Variants in PPP1R1C observed in about 807,000 individuals in gnomAD.
PPP1R1C encodes the protein protein phosphatase 1 regulatory inhibitor subunit 1C.
Under a neutral mutation model 17.4 loss-of-function variants are expected in PPP1R1C, and 15 were observed. The ratio of observed to expected loss-of-function variants is 0.86; its 90% CI spans 0.58 to 1.33. The LOEUF is 1.33. Among genes scored for constraint, PPP1R1C ranks in the 40% most tolerant of loss-of-function variants. The pLI, the probability that PPP1R1C is intolerant of heterozygous loss-of-function variation, is 0.00. For missense variants in PPP1R1C, 143 were observed against 130.0 expected (o/e 1.10, Z -0.48); for synonymous variants, 35 against 43.1 (o/e 0.81, Z 0.73).
At chr2:182,055,323 C>A (rs1444401576) in intron 2 of PPP1R1C, among the ~76,000 whole-genome samples, 2 of 152,154 alleles carry the variant, frequency 1.3e-5, no homozygotes, top group Non-Finnish European at 1.5e-5. Flanking sequence ...AATATTCCCT[C>A]TATATAGGTT....
intron 4 of PPP1R1C, among the ~76,000 whole-genome samples, chr2:182,073,539 T>C (rs1688200181): frequency 6.6e-6 from 1 of 152,240 alleles, no homozygotes; most frequent in African/African-American, 2.4e-5. Context: ...TCCCTGTTTA[T>C]ATGAAAAATG....
intron 2 of PPP1R1C, among the ~76,000 whole-genome samples, chr2:181,988,492 C>T (rs758847852): frequency 2.0e-5 from 3 of 152,120 alleles, no homozygotes; most frequent in African/African-American, 4.8e-5. Flanking sequence ...ATTATTATTC[C>T]GGATAAAAGA....
At chr2:182,063,345 A>G (rs1574421486) in intron 3 of PPP1R1C, among the ~76,000 whole-genome samples, 2 of 152,072 alleles carry the variant, frequency 1.3e-5, no homozygotes, top group East Asian at 3.9e-4. Context: ...ACGAACAGAT[A>G]CTATTATTCC....
At chr2:182,117,141 C>A in intron 4 of PPP1R1C, 66 bp from the exon 5 acceptor site, 3 of 1,102,470 alleles carry the variant, frequency 2.7e-6, no homozygotes, top group Non-Finnish European at 4.0e-6. Flanking sequence ...TTATCTTTTG[C>A]AGCAAAGCGG....
chr2:181,977,288 T>A (rs1481392316), intron 2 of PPP1R1C, among the ~76,000 whole-genome samples: 1 of 151,962 alleles, frequency 6.6e-6, no homozygotes, highest in Non-Finnish European at 1.5e-5. Context: ...AGTTTTGACA[T>A]GCTGATCACA....
At chr2:182,095,391 A>G (rs1688903087) in intron 4 of PPP1R1C, among the ~76,000 whole-genome samples, 1 of 152,188 alleles carries the variant, frequency 6.6e-6, no homozygotes, top group Non-Finnish European at 1.5e-5. Context: ...ATTATTTAAC[A>G]TGACATTTTA....
At chr2:182,049,239 A>G (rs1371957357) in intron 2 of PPP1R1C, among the ~76,000 whole-genome samples, 1 of 151,400 alleles carries the variant, frequency 6.6e-6, no homozygotes, top group African/African-American at 2.4e-5. Flanking sequence ...CAGAGGCAGG[A>G]GAATCACTTG....
chr2:182,076,197 C>CTTTTTTT lies in PPP1R1C; in HGVS notation c.241+12441_241+12447dup, dbSNP rs1165789924. Among the ~76,000 whole-genome samples, 42 of 25,860 alleles carry CTTTTTTT rather than the reference C, an allele frequency of 1.6e-3. 10 individuals are homozygous for CTTTTTTT. The highest frequency in any genetic ancestry group is 2.8e-3 in the African/African-American group (13 of 4,686). 17.0% of individuals were successfully genotyped at this position (25,860 alleles called of 152,430 possible). A position where few individuals can be genotyped will look rare whatever the true frequency, so the allele number is the denominator to read the frequency against. ...GATTTTGAACTTTTTTTTTTCTTTT[C>CTTTTTTT]TTTTTTTTTTTTTTTTTTTTTTTTT... On this transcript the variant is annotated intron_variant, in intron 4 of 4. Transcript: ENST00000682840.
chr2:181,983,100 A>G (rs1169940863), upstream of PPP1R1C, among the ~76,000 whole-genome samples: 1 of 152,140 alleles, frequency 6.6e-6, no homozygotes, highest in Non-Finnish European at 1.5e-5. Context: ...ATACCACGTC[A>G]TCTTAAGATC....
At chr2:181,978,610 G>A (rs1685139717) in intron 2 of PPP1R1C, among the ~76,000 whole-genome samples, 1 of 152,212 alleles carries the variant, frequency 6.6e-6, no homozygotes, top group Non-Finnish European at 1.5e-5. Context: ...GCTGTTTTCT[G>A]AGAGGGAGCA....
chr2:182,020,859 C>T (rs1686401734), intron 2 of PPP1R1C, among the ~76,000 whole-genome samples: 1 of 152,170 alleles, frequency 6.6e-6, no homozygotes, highest in Non-Finnish European at 1.5e-5. Flanking sequence ...TTTGGATTCT[C>T]ATTAGTCACT....
chr2:181,983,039 T>C (rs898883050), upstream of PPP1R1C, among the ~76,000 whole-genome samples: 8 of 152,182 alleles, frequency 5.3e-5, no homozygotes, highest in African/African-American at 1.9e-4. Flanking sequence ...AATGATTGAG[T>C]ATCTTGATTA....
At position 182,117,289 on chromosome 2, in the gene PPP1R1C, C is replaced by G; in HGVS notation, c.324C>G (p.Asp108Glu). 1 of 1,552,538 alleles carries G rather than the reference C, an allele frequency of 6.4e-7. No homozygotes were observed. Among genetic ancestry groups the G allele is most frequent in the East Asian group, 2.4e-5 (1 of 41,352 alleles). ...EGTNEREEQR[D>E]H ...CCAATGAAAGAGAGGAGCAGCGGGA[C>G]CATTAATTACTGGTCTGCAGCAAGA... The change falls in exon 5 of 5, where the codon GAC becomes GAG. Residue 108 changes from aspartate (D) to glutamate (E), a missense_variant. Transcript: ENST00000682840.
At chr2:181,988,302 G>A (rs1473799250) in intron 2 of PPP1R1C, among the ~76,000 whole-genome samples, 3 of 152,226 alleles carry the variant, frequency 2.0e-5, no homozygotes, top group Non-Finnish European at 4.4e-5. Flanking sequence ...GGAAAAGGTT[G>A]ACATGGGGTG....
intron 2 of PPP1R1C, among the ~76,000 whole-genome samples, chr2:181,989,178 G>A (rs758785004): frequency 8.5e-5 from 13 of 152,170 alleles, no homozygotes; most frequent in South Asian, 2.1e-4. Context: ...GCCTTAAGGT[G>A]TACTGCACAA....
intron 2 of PPP1R1C, among the ~76,000 whole-genome samples, chr2:182,036,645 C>T (rs568081697): frequency 2.0e-4 from 30 of 151,974 alleles, no homozygotes; most frequent in Middle Eastern, 3.4e-3. Context: ...GAATAGAAAC[C>T]GTTATTATTA....
At chr2:182,117,085 G>T in intron 4 of PPP1R1C, 122 bp from the exon 5 acceptor site, 3 of 715,222 alleles carry the variant, frequency 4.2e-6, no homozygotes, top group Non-Finnish European at 7.2e-6. Context: ...TAAGATTCTT[G>T]GAGAAAAACA....
At chr2:182,006,659 T>C (rs1180985776) in intron 2 of PPP1R1C, among the ~76,000 whole-genome samples, 1 of 152,226 alleles carries the variant, frequency 6.6e-6, no homozygotes, top group African/African-American at 2.4e-5. Flanking sequence ...AGTTTCTTCT[T>C]GAAAGGCAGA....
At chr2:182,110,994 G>A (rs1174189406) in intron 4 of PPP1R1C, among the ~76,000 whole-genome samples, 2 of 152,106 alleles carry the variant, frequency 1.3e-5, no homozygotes, top group African/African-American at 4.8e-5. Context: ...TTCTCATCCT[G>A]GGCCAAGCAG....
Sources: allele counts gnomAD v4.1 joint callset (sites outside exome capture counted in the v4.1 genomes callset), GRCh38; gene constraint gnomAD v4.1.1; transcripts MANE v1.5; gene names NCBI Gene and HGNC (gene_info 2026-07-23, HGNC 2026-07-21).